SP140L: variants seen among roughly 807,000 people sequenced by gnomAD.
SP140L encodes nuclear body protein SP140-like protein.
SP140L carries 64 observed loss-of-function variants against 84.3 expected under a neutral mutation model. The ratio of observed to expected loss-of-function variants is 0.76; its 90% CI spans 0.62 to 0.94. The LOEUF is 0.94. Ranked by LOEUF, SP140L falls within the 40% of genes least tolerant of loss-of-function variation. SP140L has a pLI of 0.00. For missense variants in SP140L, 628 were observed against 692.5 expected, an observed-to-expected ratio of 0.91 and a Z score of 1.05; for synonymous variants, 242 against 236.9, an observed-to-expected ratio of 1.02 and a Z score of -0.20.
At chr2:230,381,498 A>T (rs2061403614) in intron 7 of SP140L, among the ~76,000 whole-genome samples, 1 of 152,182 alleles carries the variant, frequency 6.6e-6, no homozygotes. Context: ...ACACTACCCC[A>T]TCAGCCACTC....
chr2:230,371,460 G>T lies in SP140L; in HGVS notation c.584-138G>T, dbSNP rs575832455. On this transcript the variant is annotated intron_variant, in intron 6 of 18. Transcript: ENST00000415673. ...CTAGTTCTCAGTTCAGTGGGTTTTT[G>T]GTTCCTCTAGAAGAAAGAGAGAAAT... The T allele has an allele frequency of 2.2e-5, 18 of 816,788 alleles. No homozygotes were observed. The Admixed American group carries it at 4.5e-4, about 20-fold the overall frequency. 50.6% of individuals were successfully genotyped at this position (816,788 alleles called of 1,614,324 possible).
chr2:230,327,643 GT>G (rs1181595800), intron 1 of SP140L, among the ~76,000 whole-genome samples: 1 of 151,628 alleles, frequency 6.6e-6, no homozygotes, highest in Non-Finnish European at 1.5e-5. Flanking sequence ...CAAATTATAT[GT>G]TTGTGTTTCA....
intron 2 of SP140L, among the ~76,000 whole-genome samples, chr2:230,331,453 T>G (rs2059722704): frequency 6.6e-6 from 1 of 152,222 alleles, no homozygotes; most frequent in Non-Finnish European, 1.5e-5. Flanking sequence ...TGACCCATGT[T>G]CTAATCCATG....
intron 2 of SP140L, among the ~76,000 whole-genome samples, chr2:230,344,112 C>G (rs909238453): frequency 4.0e-4 from 61 of 152,186 alleles, no homozygotes; most frequent in African/African-American, 1.4e-3. Context: ...CTAATATTGT[C>G]AGTGGGGTGG....
At chr2:230,394,812 C>T (rs2061976832) in intron 13 of SP140L, among the ~76,000 whole-genome samples, 1 of 152,168 alleles carries the variant, frequency 6.6e-6, no homozygotes, top group Admixed American at 6.6e-5. Context: ...CCTTGCAGAG[C>T]CACTTGGCTT....
Position 230,402,856 on chromosome 2 carries a change from AG to A in SP140L, c.1705del (p.Glu569LysfsTer19). On this transcript the variant is annotated frameshift_variant, in exon 19 of 19. Coordinates refer to ENST00000415673, the MANE Select transcript of SP140L (RefSeq NM_138402.6). LOFTEE classifies it high-confidence loss of function. The stretch of plus-strand genomic sequence containing the variant: ...GAGGCTGAATTTGAGAAGGATTTCA[AG>A]GAAGTGTTTGCTATTCAGGAAACAA... ...RLEAEFEKDF[K>X]EVFAIQETNG... 1.2e-6 allele frequency: 2 copies of A among 1,613,432 alleles called. No individual in the cohort carries two copies. The highest frequency in any genetic ancestry group is 1.1e-5 in the South Asian group (1 of 90,868).
At chr2:230,397,440 C>G (rs1322252558) in intron 14 of SP140L, among the ~76,000 whole-genome samples, 2 of 152,176 alleles carry the variant, frequency 1.3e-5, no homozygotes, top group Non-Finnish European at 2.9e-5. Flanking sequence ...AATCCTGAGG[C>G]ATTTTAACTC....
At chr2:230,396,642 T>C in intron 13 of SP140L, 115 bp from the exon 14 acceptor site, 3 of 1,282,404 alleles carry the variant, frequency 2.3e-6, no homozygotes, top group East Asian at 2.6e-5. Context: ...CTCCCAATTA[T>C]TTTTTTACAA....
intron 2 of SP140L, among the ~76,000 whole-genome samples, chr2:230,344,617 T>C (rs1479015548): frequency 6.6e-6 from 1 of 152,230 alleles, no homozygotes; most frequent in Non-Finnish European, 1.5e-5. Context: ...ATAGTGTCAC[T>C]GCGCTGTGTA....
At chr2:230,352,770 C>T (rs1473343854) in intron 2 of SP140L, among the ~76,000 whole-genome samples, 1 of 151,844 alleles carries the variant, frequency 6.6e-6, no homozygotes, top group Non-Finnish European at 1.5e-5. Context: ...CATAGCCTAT[C>T]GCATTAGCTA....
intron 13 of SP140L, among the ~76,000 whole-genome samples, chr2:230,395,928 G>A (rs2062027860): frequency 6.6e-6 from 1 of 152,242 alleles, no homozygotes; most frequent in Admixed American, 6.5e-5. Flanking sequence ...GCAGCACAGA[G>A]GACCTTGGAG....
intron 15 of SP140L, chr2:230,400,735 A>G (rs6719971): frequency 1.9e-6 from 2 of 1,074,396 alleles, no homozygotes; most frequent in Admixed American, 4.7e-5. Context: ...TCACGGTGAC[A>G]CCACCTTCCT....
chr2:230,330,926 C>G (rs1349962769), intron 2 of SP140L, among the ~76,000 whole-genome samples: 3 of 152,186 alleles, frequency 2.0e-5, no homozygotes, highest in Non-Finnish European at 4.4e-5. Context: ...TCCAGCGTAT[C>G]CACAATGTGG....
Position 230,402,826 on chromosome 2 carries a change from G to C in SP140L, c.1673G>C (p.Arg558Thr). The C allele has an allele frequency of 1.2e-6, 2 of 1,612,614 alleles. No individual in the cohort carries two copies. Among genetic ancestry groups the C allele is most frequent in the Non-Finnish European group, 1.7e-6 (2 of 1,179,638 alleles). ...AAGGATTTTGGCCAAATGGGACTTA[G>C]ACTGGAGGCTGAATTTGAGAAGGAT... The part of the protein sequence containing the change: ...KYKDFGQMGL[R>T]LEAEFEKDFK... Residue 558 changes from arginine (R) to threonine (T), a missense_variant, in exon 19 of 19, where the codon AGA (arginine) becomes ACA (threonine). Physicochemically the swap from Arg to Thr is moderately conservative, Grantham distance 71 (BLOSUM62 -1). Transcript: ENST00000415673.
intron 9 of SP140L, among the ~76,000 whole-genome samples, chr2:230,386,672 T>C (rs2061595669): frequency 6.6e-6 from 1 of 152,210 alleles, no homozygotes; most frequent in Non-Finnish European, 1.5e-5. Context: ...CAGTTTGTTC[T>C]GTACCAAAAC....
At position 230,370,906 on chromosome 2, in the gene SP140L, A is replaced by G; in HGVS notation, c.524-2A>G. 6.2e-7 allele frequency: 1 copy of G among 1,613,414 alleles called. No homozygotes were observed. Among genetic ancestry groups the G allele is most frequent in the Non-Finnish European group, 8.5e-7 (1 of 1,179,604 alleles). On this transcript the variant is annotated splice_acceptor_variant, in intron 5 of 18. Coordinates refer to ENST00000415673, the MANE Select transcript of SP140L (RefSeq NM_138402.6). LOFTEE classifies it high-confidence loss of function. The stretch of plus-strand genomic sequence containing the variant: ...AGTGTTCCTATGTCATGTGTTTCTC[A>G]GGAGAAGTGCCAGAAAGCCCGGAAG...
At position 230,357,908 on chromosome 2, in the gene SP140L, A is replaced by C; in HGVS notation, c.211A>C (p.Thr71Pro). 6.2e-7 allele frequency: 1 copy of C among 1,614,116 alleles called. No individual in the cohort carries two copies. Among genetic ancestry groups the C allele is most frequent in the Non-Finnish European group, 8.5e-7 (1 of 1,179,940 alleles). ...GGAGATATCAAATGCAATAAAAAAG[A>C]CATTTCCATTCCTTGAGGGCCTCCG... is the stretch of plus-strand genomic sequence containing the variant. ...KLEISNAIKK[T>P]FPFLEGLRDR... Residue 71 changes from threonine to proline, a missense_variant, in exon 3 of 19, where the codon ACA becomes CCA. This residue lies in a region of SP140L where 525 missense variants were observed against 518.4 expected (regional missense o/e 1.01). Coordinates refer to ENST00000415673, the MANE Select transcript of SP140L (RefSeq NM_138402.6).
At chr2:230,369,818 G>A (rs1389967340) in intron 5 of SP140L, among the ~76,000 whole-genome samples, 5 of 152,214 alleles carry the variant, frequency 3.3e-5, no homozygotes, top group South Asian at 2.1e-4. Flanking sequence ...CACCCAGACT[G>A]GAGTGCAGTG....
At position 230,345,226 on chromosome 2, in the gene SP140L, T is replaced by C. The variant is rs139747606; in HGVS notation, c.108-12579T>C. Among the ~76,000 whole-genome samples, 31 of 152,354 alleles carry C rather than the reference T, an allele frequency of 2.0e-4. No homozygotes were observed. The East Asian group carries it at 3.7e-3, about 18-fold the overall frequency. On this transcript the variant is annotated intron_variant, in intron 2 of 18. Transcript: ENST00000415673. The stretch of plus-strand genomic sequence containing the variant: ...ACAACTGTTATATCCTCTTGATGAA[T>C]TGGCCCCTTTATCCTTATATATTGA...
Sources: allele counts gnomAD v4.1 joint callset (sites outside exome capture counted in the v4.1 genomes callset), GRCh38; gene constraint gnomAD v4.1.1; regional missense constraint gnomAD v4.1.1; transcripts MANE v1.5; gene names NCBI Gene and HGNC (gene_info 2026-07-23, HGNC 2026-07-21).